TOM1L2: variants seen among roughly 807,000 people sequenced by gnomAD.
TOM1L2 encodes the protein target of myb1 like 2 membrane trafficking protein, also known as TOM1-like protein 2.
TOM1L2 carries 31 observed loss-of-function variants against 67.9 expected under a neutral mutation model. That is an observed-to-expected ratio of 0.46 (90% CI 0.34 to 0.62). The LOEUF (loss-of-function observed/expected upper bound fraction) is 0.62. TOM1L2 is among the 20% of genes least tolerant of loss of function. The pLI is 0.01. For synonymous variants in TOM1L2, 256 were observed against 254.0 expected, an observed-to-expected ratio of 1.01 and a Z score of -0.07; for missense variants, 606 against 663.5, an observed-to-expected ratio of 0.91 and a Z score of 0.95.
chr17:17,854,868 T>C (rs1825032081), intron 12 of TOM1L2, among the ~76,000 whole-genome samples: 1 of 152,068 alleles, frequency 6.6e-6, no homozygotes, highest in Admixed American at 6.6e-5. Flanking sequence ...TCTTGGGCAA[T>C]GATCCAAGCT....
intron 2 of TOM1L2, among the ~76,000 whole-genome samples, chr17:17,905,125 C>T (rs181575621): frequency 1.3e-5 from 2 of 152,300 alleles, no homozygotes; most frequent in Non-Finnish European, 2.9e-5. Context: ...ATGTGTAGTC[C>T]CTAACAACTA....
At chr17:17,870,375 A>G (rs2037088615) in intron 7 of TOM1L2, among the ~76,000 whole-genome samples, 2 of 152,104 alleles carry the variant, frequency 1.3e-5, no homozygotes, top group Non-Finnish European at 2.9e-5. Context: ...AGCTCCGTCA[A>G]TTCCTGCCAG....
At chr17:17,969,363 G>A (rs2041985269) in intron 1 of TOM1L2, among the ~76,000 whole-genome samples, 1 of 152,110 alleles carries the variant, frequency 6.6e-6, no homozygotes, top group Non-Finnish European at 1.5e-5. Flanking sequence ...GCCTACAGCT[G>A]CTGTTTTTAA....
At chr17:17,857,757 G>C (rs902432620) in intron 12 of TOM1L2, 3 of 1,535,276 alleles carry the variant, frequency 2.0e-6, no homozygotes, top group Non-Finnish European at 2.6e-6. Context: ...GGCTCGGCTG[G>C]TGACTCCTCA....
At chr17:17,867,392 C>T (rs1311677678) in intron 8 of TOM1L2, among the ~76,000 whole-genome samples, 1 of 152,138 alleles carries the variant, frequency 6.6e-6, no homozygotes, top group Non-Finnish European at 1.5e-5. Flanking sequence ...GACGCATGGC[C>T]CTGGCTACGG....
chr17:17,879,324 G>C (rs931045020), intron 7 of TOM1L2, among the ~76,000 whole-genome samples: 2 of 152,206 alleles, frequency 1.3e-5, no homozygotes, highest in Non-Finnish European at 2.9e-5. Flanking sequence ...ACAGATGCTT[G>C]GGTCAAAGAA....
At position 17,846,286 on chromosome 17, in the gene TOM1L2, G is replaced by C. The variant is rs757784069; in HGVS notation, c.*1349C>G. The C allele has an allele frequency of 6.6e-6, 1 of 152,388 alleles. No homozygotes were observed. Among genetic ancestry groups the C allele is most frequent in the Non-Finnish European group, 1.5e-5 (1 of 68,174 alleles). The allele number at this position is 152,388 out of a possible 1,614,324, so 9.4% of individuals were successfully genotyped here. ...GGGGACAGGAGCAGACTGACCCAGC[G>C]AGCTGGGCCCAAGACACACGGGGAT... On this transcript the variant is annotated 3_prime_UTR_variant, in exon 15 of 15. Coordinates refer to ENST00000379504, the MANE Select transcript of TOM1L2 (RefSeq NM_001082968.2).
intron 1 of TOM1L2, among the ~76,000 whole-genome samples, chr17:17,969,325 G>C (rs2145097580): frequency 6.6e-6 from 1 of 152,100 alleles, no homozygotes; most frequent in Middle Eastern, 3.4e-3. Flanking sequence ...CAAAGTGCTG[G>C]GATTACAGGC....
chr17:17,945,452 T>G (rs565572908), intron 1 of TOM1L2, among the ~76,000 whole-genome samples: 1 of 152,116 alleles, frequency 6.6e-6, no homozygotes, highest in Non-Finnish European at 1.5e-5. Flanking sequence ...AAAACAAACA[T>G]GGATTTCAAT....
At chr17:17,862,962 G>A in intron 10 of TOM1L2, 114 bp from the exon 11 acceptor site, 1 of 650,574 alleles carries the variant, frequency 1.5e-6, no homozygotes, top group South Asian at 1.8e-5. Flanking sequence ...CATGGGGAGG[G>A]TGGGGCGGGA....
intron 10 of TOM1L2, among the ~76,000 whole-genome samples, chr17:17,864,367 C>T (rs1490660127): frequency 6.0e-5 from 9 of 150,970 alleles, no homozygotes; most frequent in East Asian, 2.0e-4. Flanking sequence ...CCCACCACCA[C>T]GCCTGGCTAA....
intron 1 of TOM1L2, among the ~76,000 whole-genome samples, chr17:17,971,978 G>C (rs1425814983): frequency 6.6e-6 from 1 of 151,414 alleles, no homozygotes; most frequent in Non-Finnish European, 1.5e-5. Context: ...ACCGGCGCCC[G>C]GCGAACGCCC....
chr17:17,912,200 A>G (rs1310767430), intron 1 of TOM1L2, among the ~76,000 whole-genome samples: 1 of 151,468 alleles, frequency 6.6e-6, no homozygotes, highest in Non-Finnish European at 1.5e-5. Flanking sequence ...GTGGCCGGGC[A>G]GAGGGGCTCC....
At chr17:17,884,500 G>T in intron 5 of TOM1L2, 134 bp downstream of exon 5, 1 of 1,231,576 alleles carries the variant, frequency 8.1e-7, no homozygotes, top group Non-Finnish European at 1.1e-6. Flanking sequence ...TATTAAAAAG[G>T]AATGCCCCCG....
At chr17:17,881,188 C>T (rs1001797593) in intron 6 of TOM1L2, among the ~76,000 whole-genome samples, 2 of 152,146 alleles carry the variant, frequency 1.3e-5, no homozygotes, top group Admixed American at 1.3e-4. Flanking sequence ...TCTGGCTCTG[C>T]CTGGTGGATG....
rs1568264463 is a variant in TOM1L2, at chr17:17,915,508, CT to C, written c.53-7978del. On this transcript the variant is annotated intron_variant, in intron 1 of 14. Coordinates refer to ENST00000379504, the MANE Select transcript of TOM1L2 (RefSeq NM_001082968.2). ...CATATCTATTCAATTTTTTTGGCCC[CT>C]CACCCCTTTTTTTTAAGAGACAGGA... Among the ~76,000 whole-genome samples, 11 of 151,794 alleles carry C rather than the reference CT, an allele frequency of 7.2e-5. No homozygotes were observed. In the South Asian group the frequency reaches 1.7e-3, roughly 23 times the overall value.
At chr17:17,914,351 T>C (rs1007244223) in intron 1 of TOM1L2, among the ~76,000 whole-genome samples, 3 of 152,118 alleles carry the variant, frequency 2.0e-5, no homozygotes, top group Non-Finnish European at 4.4e-5. Flanking sequence ...CCCTCAGTCT[T>C]TTCTTCTCTA....
intron 7 of TOM1L2, among the ~76,000 whole-genome samples, chr17:17,872,887 C>T (rs1361177284): frequency 6.6e-6 from 1 of 152,198 alleles, no homozygotes; most frequent in Non-Finnish European, 1.5e-5. Flanking sequence ...TCAATCACTT[C>T]TCATGCAAAC....
At chr17:17,861,909 T>C (rs540971838) in intron 11 of TOM1L2, 17 of 180,206 alleles carry the variant, frequency 9.4e-5, no homozygotes, top group African/African-American at 4.0e-4. Context: ...AAAGTAACAT[T>C]AATTCTTATT....
Sources: gnomAD v4.1 joint callset for allele counts (sites outside exome capture counted in the v4.1 genomes callset) on GRCh38, gnomAD v4.1.1 for gene constraint, MANE v1.5 for transcripts, NCBI Gene and HGNC (gene_info 2026-07-23, HGNC 2026-07-21) for gene names.